GPR158: variants seen among roughly 807,000 people sequenced by gnomAD.
GPR158 encodes G protein-coupled receptor 158.
GPR158 carries 30 observed loss-of-function variants against 78.2 expected under a neutral mutation model. The ratio of observed to expected loss-of-function variants is 0.38; its 90% CI spans 0.29 to 0.52. The LOEUF is 0.52. GPR158 is among the 20% of genes least tolerant of loss of function. The pLI is 0.83. For synonymous variants in GPR158, 581 were observed against 591.1 expected (o/e 0.98, Z 0.25); for missense variants, 1,463 against 1,523.5 (o/e 0.96, Z 0.66).
intron 3 of GPR158, among the ~76,000 whole-genome samples, chr10:25,408,689 T>A (rs368705026): frequency 5.9e-5 from 9 of 152,340 alleles, no homozygotes; most frequent in African/African-American, 2.2e-4. Context: ...TCTTAGTTTT[T>A]GACTTGTGTG....
intron 6 of GPR158, among the ~76,000 whole-genome samples, chr10:25,569,370 G>A (rs1407329612): frequency 2.0e-5 from 3 of 152,168 alleles, no homozygotes; most frequent in Non-Finnish European, 2.9e-5. Context: ...TATTTTAAAG[G>A]AGACAGTTAA....
At chr10:25,528,884 T>TC in intron 5 of GPR158, among the ~76,000 whole-genome samples, 1 of 152,182 alleles carries the variant, frequency 6.6e-6, no homozygotes, top group African/African-American at 2.4e-5. Context: ...GTTACAGGAC[T>TC]TAATACAGTG....
At chr10:25,452,604 A>T (rs1179552585) in intron 4 of GPR158, among the ~76,000 whole-genome samples, 1 of 152,144 alleles carries the variant, frequency 6.6e-6, no homozygotes, top group African/African-American at 2.4e-5. Flanking sequence ...AAATCTACTC[A>T]TATATCTTGT....
At chr10:25,500,566 C>T (rs1381388219) in intron 5 of GPR158, among the ~76,000 whole-genome samples, 1 of 152,208 alleles carries the variant, frequency 6.6e-6, no homozygotes, top group African/African-American at 2.4e-5. Context: ...AACCTTTACA[C>T]AGTAATTTAT....
chr10:25,547,049 G>T (rs1338988286), intron 5 of GPR158, among the ~76,000 whole-genome samples: 1 of 152,176 alleles, frequency 6.6e-6, no homozygotes, highest in Non-Finnish European at 1.5e-5. Flanking sequence ...TCTAAGCAGG[G>T]AAGTGAGGTG....
chr10:25,334,997 T>C (rs1855177821), intron 2 of GPR158, among the ~76,000 whole-genome samples: 1 of 152,044 alleles, frequency 6.6e-6, no homozygotes, highest in Non-Finnish European at 1.5e-5. Flanking sequence ...TGCAAATCTT[T>C]GATTTTTTAA....
chr10:25,476,039 T>C (rs1835579378), intron 5 of GPR158: 1 of 152,126 alleles, frequency 6.6e-6, no homozygotes, highest in Non-Finnish European at 1.5e-5. Flanking sequence ...GAGATTATCA[T>C]CATTGTGCAG....
chr10:25,353,756 A>G (rs1248995088), intron 2 of GPR158, among the ~76,000 whole-genome samples: 3 of 152,042 alleles, frequency 2.0e-5, no homozygotes, highest in African/African-American at 7.2e-5. Flanking sequence ...TCTTTATAGA[A>G]TTGGGTTTTC....
chr10:25,313,034 C>T lies in GPR158; in HGVS notation c.1009-82877C>T, dbSNP rs142153670. 5.0e-3 allele frequency among the ~76,000 whole-genome samples: 755 copies of T among 151,956 alleles called. 6 individuals carry two copies. Among genetic ancestry groups the T allele is most frequent in the African/African-American group, 0.017 (708 of 41,438 alleles). On this transcript the variant is annotated intron_variant, in intron 2 of 10. Coordinates refer to ENST00000376351, the MANE Select transcript of GPR158 (RefSeq NM_020752.3). ...TTGGGGATCCTTTGGGGTTTGCATA[C>T]CTTACTTTAAGAAACACAGATTATT...
At chr10:25,325,902 A>ATCT (rs889410962) in intron 2 of GPR158, among the ~76,000 whole-genome samples, 1 of 144,112 alleles carries the variant, frequency 6.9e-6, no homozygotes, top group African/African-American at 2.5e-5. Context: ...GGCCATTTGT[A>ATCT]TTTTTTTTTT....
chr10:25,416,026 T>C (rs1220700056), intron 4 of GPR158, among the ~76,000 whole-genome samples: 1 of 152,132 alleles, frequency 6.6e-6, no homozygotes, highest in Non-Finnish European at 1.5e-5. Context: ...ATAAATCTAT[T>C]ACAAATTTTT....
At chr10:25,186,549 C>A (rs115574771) in intron 1 of GPR158, among the ~76,000 whole-genome samples, 1 of 152,016 alleles carries the variant, frequency 6.6e-6, no homozygotes, top group Non-Finnish European at 1.5e-5. Flanking sequence ...TTATCACCAC[C>A]GACCTCACAG....
At chr10:25,452,211 A>AATATAT (rs34673593) in intron 4 of GPR158, among the ~76,000 whole-genome samples, 1 of 149,828 alleles carries the variant, frequency 6.7e-6, no homozygotes, top group African/African-American at 2.5e-5. Flanking sequence ...AAACCTTTTA[A>AATATAT]ATATATATAT....
intron 2 of GPR158, among the ~76,000 whole-genome samples, chr10:25,346,828 C>G (rs1237927779): frequency 6.6e-6 from 1 of 151,878 alleles, no homozygotes; most frequent in South Asian, 2.1e-4. Flanking sequence ...CTGCTATCCT[C>G]CAGTATACCT....
At chr10:25,542,120 T>A (rs901983996) in intron 5 of GPR158, among the ~76,000 whole-genome samples, 1 of 152,114 alleles carries the variant, frequency 6.6e-6, no homozygotes, top group African/African-American at 2.4e-5. Flanking sequence ...GTAATCTTTT[T>A]TCTTTTATTT....
intron 5 of GPR158, among the ~76,000 whole-genome samples, chr10:25,487,203 A>G (rs1479008293): frequency 6.6e-6 from 1 of 152,116 alleles, no homozygotes; most frequent in African/African-American, 2.4e-5. Context: ...CAGAGCCACC[A>G]CAAGTCTCTG....
intron 4 of GPR158, among the ~76,000 whole-genome samples, chr10:25,442,950 T>C (rs896400186): frequency 1.3e-5 from 2 of 152,182 alleles, no homozygotes; most frequent in Admixed American, 6.5e-5. Context: ...CAGTGCCTTC[T>C]CTTCGAAAGC....
intron 7 of GPR158, among the ~76,000 whole-genome samples, chr10:25,579,151 ATT>A (rs967956470): frequency 1.4e-5 from 2 of 146,396 alleles, no homozygotes; most frequent in Non-Finnish European, 1.5e-5. Context: ...CGACTGTCAG[ATT>A]TTTTTTTTTT....
intron 7 of GPR158, among the ~76,000 whole-genome samples, chr10:25,582,342 G>A (rs1330176821): frequency 6.6e-6 from 1 of 152,160 alleles, no homozygotes; most frequent in Non-Finnish European, 1.5e-5. Context: ...AGGTAGCTGA[G>A]TTTTGCCAGA....
Sources: gnomAD v4.1 joint callset for allele counts (sites outside exome capture counted in the v4.1 genomes callset) on GRCh38, gnomAD v4.1.1 for gene constraint, MANE v1.5 for transcripts, NCBI Gene and HGNC (gene_info 2026-07-23, HGNC 2026-07-21) for gene names.